The following GPC6 variants were observed in gnomAD, a reference collection of about 807,000 sequenced individuals.
GPC6 encodes the protein glypican-6.
GPC6 carries 14 observed loss-of-function variants against 55.2 expected under a neutral mutation model. The observed-to-expected ratio is 0.25, with a 90% CI of 0.17 to 0.40. GPC6 has a LOEUF of 0.40. Among genes scored for constraint, GPC6 ranks in the 10% least tolerant of loss-of-function variants. GPC6 has a pLI of 1.00. For synonymous variants in GPC6, 278 were observed against 259.6 expected (o/e 1.07, Z -0.68); for missense variants, 641 against 708.5 (o/e 0.90, Z 1.08).
In GPC6 at chr13:94,343,377, G is replaced by T. The variant is rs185018428; in HGVS notation, c.1152+37254G>T. Among the ~76,000 whole-genome samples the T allele has an allele frequency of 8.5e-5, 13 of 152,176 alleles. No homozygotes were observed. In the East Asian group the frequency reaches 1.5e-3, roughly 18 times the overall value. On this transcript the variant is annotated intron_variant, in intron 6 of 8. Coordinates refer to ENST00000377047, the MANE Select transcript of GPC6 (RefSeq NM_005708.5). Reference sequence around the variant, plus strand: ...CCTTTGCCTCCGCACAAAAGCACACGGCCTCTCATTTCATGGGGCTGATCC... The same window carrying T: ...CCTTTGCCTCCGCACAAAAGCACACTGCCTCTCATTTCATGGGGCTGATCC...
intron 2 of GPC6, among the ~76,000 whole-genome samples, chr13:93,740,391 G>T (rs1884159537): frequency 6.6e-6 from 1 of 152,156 alleles, no homozygotes; most frequent in South Asian, 2.1e-4. Context: ...CTAATTCCAT[G>T]GACAAGTGTT....
rs541164105 is a variant in GPC6 at position 93,394,355 on chromosome 13, A to T, written c.161-150908A>T. Reference sequence around the variant, plus strand: ...TTTTATATGGCTTAGAACCCCACACATATTATAGTAAGTATTCAATAAATG... The same window carrying T: ...TTTTATATGGCTTAGAACCCCACACTTATTATAGTAAGTATTCAATAAATG... On this transcript the variant is annotated intron_variant, in intron 1 of 8. Transcript: ENST00000377047. Among the ~76,000 whole-genome samples, 20 of 152,240 alleles carry T rather than the reference A, an allele frequency of 1.3e-4. No homozygotes were observed. In the South Asian group the frequency reaches 3.9e-3, roughly 30 times the overall value.
At chr13:93,722,943 A>T (rs1328157599) in intron 2 of GPC6, among the ~76,000 whole-genome samples, 1 of 151,624 alleles carries the variant, frequency 6.6e-6, no homozygotes. Context: ...GCCACTTGAG[A>T]CCCCCATGAC....
chr13:94,019,788 T>C (rs1882626736), intron 3 of GPC6, among the ~76,000 whole-genome samples: 1 of 152,234 alleles, frequency 6.6e-6, no homozygotes, highest in African/African-American at 2.4e-5. Context: ...CAGGATTCTA[T>C]TTAATCCACC....
In GPC6 at chr13:93,268,619, A is replaced by C. The variant is rs756549682; in HGVS notation, c.160+41003A>C. Among the ~76,000 whole-genome samples, 28 of 152,248 alleles carry C rather than the reference A, an allele frequency of 1.8e-4. 1 individual carries two copies. Among genetic ancestry groups the C allele is most frequent in the Middle Eastern group, 6.8e-3 (2 of 294 alleles). On this transcript the variant is annotated intron_variant, in intron 1 of 8. Coordinates refer to ENST00000377047, the MANE Select transcript of GPC6 (RefSeq NM_005708.5). ...GAGTAGTGGAATGCCTCCTCTAAGCACTTGACTAATTTTATGTTAGTGCTG... is the reference window on the plus strand; with the variant it reads ...GAGTAGTGGAATGCCTCCTCTAAGCCCTTGACTAATTTTATGTTAGTGCTG...
intron 4 of GPC6, among the ~76,000 whole-genome samples, chr13:94,186,710 T>C (rs1889201109): frequency 6.6e-6 from 1 of 152,208 alleles, no homozygotes. Context: ...ATTATTTTTA[T>C]AGAGTTCTAT....
intron 2 of GPC6, among the ~76,000 whole-genome samples, chr13:93,546,172 C>T (rs1027778579): frequency 1.3e-5 from 2 of 152,070 alleles, no homozygotes; most frequent in African/African-American, 4.8e-5. Flanking sequence ...AATGAATGTA[C>T]CTTACCATGA....
At chr13:94,024,405 G>A (rs1486374345) in intron 3 of GPC6, among the ~76,000 whole-genome samples, 3 of 151,980 alleles carry the variant, frequency 2.0e-5, no homozygotes, top group Non-Finnish European at 4.4e-5. Flanking sequence ...CACACAATTG[G>A]CATTTAAAGC....
At chr13:93,961,049 C>G (rs960237537) in intron 3 of GPC6, among the ~76,000 whole-genome samples, 1 of 151,976 alleles carries the variant, frequency 6.6e-6, no homozygotes, top group Admixed American at 6.6e-5. Flanking sequence ...CTCCTGACCT[C>G]GTGATCCGCC....
chr13:93,639,996 C>T (rs1436479373), intron 2 of GPC6, among the ~76,000 whole-genome samples: 1 of 152,110 alleles, frequency 6.6e-6, no homozygotes, highest in African/African-American at 2.4e-5. Flanking sequence ...GTCATTTATA[C>T]TCATCACTAC....
chr13:94,258,398 G>A (rs1002059035), intron 4 of GPC6, among the ~76,000 whole-genome samples: 1 of 152,176 alleles, frequency 6.6e-6, no homozygotes, highest in Non-Finnish European at 1.5e-5. Context: ...TGAAGCATAA[G>A]AATTCAAAGT....
intron 4 of GPC6, among the ~76,000 whole-genome samples, chr13:94,139,822 T>C (rs150460310): frequency 6.6e-6 from 1 of 152,312 alleles, no homozygotes; most frequent in East Asian, 1.9e-4. Context: ...TCCTTAGTCA[T>C]ATCTGATCAT....
intron 2 of GPC6, among the ~76,000 whole-genome samples, chr13:93,752,807 G>A (rs1369782683): frequency 2.0e-5 from 3 of 152,122 alleles, no homozygotes; most frequent in African/African-American, 4.8e-5. Flanking sequence ...AATTACTGGG[G>A]TAGTGCTGAG....
At chr13:94,161,953 G>C (rs1401511541) in intron 4 of GPC6, among the ~76,000 whole-genome samples, 1 of 152,072 alleles carries the variant, frequency 6.6e-6, no homozygotes, top group Non-Finnish European at 1.5e-5. Flanking sequence ...CCAAGCAAAA[G>C]GGGAAACCAC....
At chr13:94,265,165 T>C (rs1594110542) in intron 4 of GPC6, among the ~76,000 whole-genome samples, 1 of 152,034 alleles carries the variant, frequency 6.6e-6, no homozygotes, top group Non-Finnish European at 1.5e-5. Flanking sequence ...ATAACTGGCG[T>C]GTAATATGAA....
chr13:93,253,268 T>A (rs569323589), intron 1 of GPC6, among the ~76,000 whole-genome samples: 22 of 152,262 alleles, frequency 1.4e-4, no homozygotes, highest in South Asian at 1.0e-3. Context: ...AGCAATCAAA[T>A]TGTACTGCCT....
At chr13:94,063,375 T>G (rs139962405) in intron 4 of GPC6, among the ~76,000 whole-genome samples, 2 of 152,220 alleles carry the variant, frequency 1.3e-5, no homozygotes, top group East Asian at 3.9e-4. Flanking sequence ...AGGGCTGTTA[T>G]GTTTTACTAT....
intron 2 of GPC6, among the ~76,000 whole-genome samples, chr13:93,667,105 G>C (rs992682118): frequency 4.6e-5 from 7 of 152,150 alleles, no homozygotes; most frequent in Non-Finnish European, 2.9e-5. Context: ...GTATGAAACT[G>C]GCTAAGAGAC....
intron 3 of GPC6, among the ~76,000 whole-genome samples, chr13:93,844,362 C>A (rs926464677): frequency 1.3e-5 from 2 of 152,166 alleles, no homozygotes; most frequent in South Asian, 4.1e-4. Flanking sequence ...TGGTCTCGAT[C>A]TCTTGACCTC....
Sources: allele counts gnomAD v4.1 joint callset (sites outside exome capture counted in the v4.1 genomes callset), GRCh38; gene constraint gnomAD v4.1.1; transcripts MANE v1.5; gene names NCBI Gene and HGNC (gene_info 2026-07-23, HGNC 2026-07-21).